GALNT13: variants seen among roughly 807,000 people sequenced by gnomAD.
The protein encoded by GALNT13 is polypeptide N-acetylgalactosaminyltransferase 13.
Under a neutral mutation model 64.2 loss-of-function variants are expected in GALNT13, and 28 were observed. The ratio of observed to expected loss-of-function variants is 0.44; its 90% CI spans 0.32 to 0.60. The LOEUF is 0.60. GALNT13 is among the 20% of genes least tolerant of loss of function. The pLI is 0.05. For missense variants in GALNT13, 577 were observed against 669.8 expected (o/e 0.86, Z 1.53); for synonymous variants, 214 against 224.6 (o/e 0.95, Z 0.42).
chr2:153,814,397 G>A, the GALNT13 span, among the ~76,000 whole-genome samples: 9 of 152,220 alleles, frequency 5.9e-5, no homozygotes, highest in Non-Finnish European at 8.8e-5. Flanking sequence ...CCGAGATAGC[G>A]CCACTGCACT....
chr2:153,723,692 C>A, the GALNT13 span, among the ~76,000 whole-genome samples: 1 of 152,034 alleles, frequency 6.6e-6, no homozygotes, highest in African/African-American at 2.4e-5. Context: ...CATGAGTGAA[C>A]TCCCATTCAC....
At chr2:154,292,354 C>A (rs769032978) in intron 8 of GALNT13, among the ~76,000 whole-genome samples, 3 of 152,132 alleles carry the variant, frequency 2.0e-5, no homozygotes, top group African/African-American at 7.2e-5. Flanking sequence ...TATTTCACTG[C>A]CATCACCTTG....
At chr2:153,919,562 C>A (rs1482122732) in intron 2 of GALNT13, among the ~76,000 whole-genome samples, 1 of 151,818 alleles carries the variant, frequency 6.6e-6, no homozygotes, top group Admixed American at 6.6e-5. Flanking sequence ...AGATTATAAA[C>A]CGTGAGGCAA....
chr2:153,712,051 A>G, the GALNT13 span, among the ~76,000 whole-genome samples: 7 of 152,306 alleles, frequency 4.6e-5, no homozygotes, highest in Middle Eastern at 3.4e-3. Context: ...TGGGTTTGTG[A>G]TCTTTTTTAT....
the GALNT13 span, among the ~76,000 whole-genome samples, chr2:153,861,792 T>G: frequency 1.3e-5 from 2 of 152,088 alleles, no homozygotes; most frequent in Non-Finnish European, 1.5e-5. Flanking sequence ...GCCAGGTTGG[T>G]CATGAACTCC....
the GALNT13 span, among the ~76,000 whole-genome samples, chr2:153,735,641 T>A: frequency 6.6e-6 from 1 of 152,058 alleles, no homozygotes; most frequent in Admixed American, 6.5e-5. Flanking sequence ...ATGTGCCACA[T>A]TCCGTTGTCA....
Position 154,387,235 on chromosome 2 carries a change from T to C in GALNT13, c.1157-8756T>C, listed in dbSNP as rs114726177. ...GTTTTAAATTTAAAAACAACAATGATAATTCCAAGAAATCGCCTAAACCTC... is the reference window on the plus strand; with the variant it reads ...GTTTTAAATTTAAAAACAACAATGACAATTCCAAGAAATCGCCTAAACCTC... On this transcript the variant is annotated intron_variant, in intron 9 of 12. Coordinates refer to ENST00000392825, the MANE Select transcript of GALNT13 (RefSeq NM_052917.4). Among the ~76,000 whole-genome samples the C allele has an allele frequency of 7.8e-3, 1,191 of 152,034 alleles. 19 individuals are homozygous for C. Among genetic ancestry groups the C allele is most frequent in the African/African-American group, 0.027 (1,112 of 41,402 alleles).
the GALNT13 span, among the ~76,000 whole-genome samples, chr2:153,564,468 A>G: frequency 2.0e-5 from 3 of 152,174 alleles, no homozygotes; most frequent in African/African-American, 7.2e-5. Context: ...TGTCTTGAGA[A>G]CCGCATTGTT....
rs983055616 is a variant in GALNT13 at position 154,286,911 on chromosome 2, C to T, written c.976-14498C>T. 9 of 480,860 alleles carry T rather than the reference C, an allele frequency of 1.9e-5. No homozygotes were observed. The Admixed American group carries it at 2.1e-4, about 11-fold the overall frequency. The allele number at this position is 480,860 out of a possible 1,614,324, so 29.8% of individuals were successfully genotyped here. Reference sequence around the variant, plus strand: ...TTGCTAGCCAGTTTGCGCACATCTTCACCAGCATCGGAGAGGACTACAATG... The same window carrying T: ...TTGCTAGCCAGTTTGCGCACATCTTTACCAGCATCGGAGAGGACTACAATG... On this transcript the variant is annotated intron_variant, in intron 8 of 12. Coordinates refer to ENST00000392825, the MANE Select transcript of GALNT13 (RefSeq NM_052917.4).
At chr2:154,448,522 G>T (rs2105502771) in intron 12 of GALNT13, among the ~76,000 whole-genome samples, 1 of 152,088 alleles carries the variant, frequency 6.6e-6, no homozygotes, top group East Asian at 1.9e-4. Flanking sequence ...AAAAGGTCTG[G>T]TTTTCCACTG....
the GALNT13 span, among the ~76,000 whole-genome samples, chr2:153,393,579 A>G: frequency 3.9e-5 from 6 of 152,026 alleles, no homozygotes; most frequent in Non-Finnish European, 8.8e-5. Flanking sequence ...TCAAAGGTTA[A>G]TTTTATGTCA....
the GALNT13 span, among the ~76,000 whole-genome samples, chr2:153,332,538 T>TG: frequency 3.3e-5 from 5 of 151,344 alleles, no homozygotes; most frequent in Admixed American, 1.3e-4. Flanking sequence ...AGTATTGTTT[T>TG]TTTTTTTTTT....
chr2:153,494,097 C>G, the GALNT13 span, among the ~76,000 whole-genome samples: 80,463 of 151,708 alleles, frequency 0.53, 23,094 homozygotes, highest in East Asian at 0.75. Context: ...AACAAGACCT[C>G]TTCACTTACA....
the GALNT13 span, among the ~76,000 whole-genome samples, chr2:153,520,053 T>C: frequency 1.3e-5 from 2 of 152,214 alleles, no homozygotes; most frequent in African/African-American, 2.4e-5. Context: ...AGGCACCAGA[T>C]GCTAAATTAA....
At chr2:153,111,343 C>T in the GALNT13 span, among the ~76,000 whole-genome samples, 1 of 151,856 alleles carries the variant, frequency 6.6e-6, no homozygotes, top group Admixed American at 6.6e-5. Context: ...AAAAAAACAC[C>T]TGCCATAATG....
intron 4 of GALNT13, among the ~76,000 whole-genome samples, chr2:154,155,507 C>G (rs1684360608): frequency 6.6e-6 from 1 of 151,890 alleles, no homozygotes; most frequent in South Asian, 2.1e-4. Flanking sequence ...GTGCACATAC[C>G]AGTTTCTTAA....
At chr2:153,456,149 G>T in the GALNT13 span, among the ~76,000 whole-genome samples, 2 of 152,130 alleles carry the variant, frequency 1.3e-5, no homozygotes, top group Non-Finnish European at 2.9e-5. Context: ...TTTAGGAAAA[G>T]GCAACATTCA....
At chr2:154,407,643 A>G (rs1699609806) in intron 10 of GALNT13, among the ~76,000 whole-genome samples, 1 of 151,978 alleles carries the variant, frequency 6.6e-6, no homozygotes, top group South Asian at 2.1e-4. Flanking sequence ...TTTCCTTGTA[A>G]TATTCAGTGT....
At chr2:153,770,558 G>T in the GALNT13 span, among the ~76,000 whole-genome samples, 10 of 152,320 alleles carry the variant, frequency 6.6e-5, no homozygotes, top group East Asian at 1.7e-3. Context: ...GAGGCCAGTG[G>T]GTGGTGCTCA....
Sources: gnomAD v4.1 joint callset for allele counts (sites outside exome capture counted in the v4.1 genomes callset) on GRCh38, gnomAD v4.1.1 for gene constraint, MANE v1.5 for transcripts, NCBI Gene and HGNC (gene_info 2026-07-23, HGNC 2026-07-21) for gene names.